ZPBP: variants seen among roughly 807,000 people sequenced by gnomAD.
ZPBP encodes the protein zona pellucida-binding protein 1.
Under a neutral mutation model 44.8 loss-of-function variants are expected in ZPBP, and 26 were observed. That is an observed-to-expected ratio of 0.58 (90% CI 0.43 to 0.81). The LOEUF (loss-of-function observed/expected upper bound fraction) is 0.81, where lower values mean the gene tolerates loss of function less well. Ranked by LOEUF, ZPBP falls within the 30% of genes least tolerant of loss-of-function variation. The probability of loss-of-function intolerance (pLI) is 0.00; values close to 1 mark genes in which losing one functional copy is unlikely to be tolerated. For synonymous variants in ZPBP, 174 were observed against 153.2 expected, an observed-to-expected ratio of 1.14 and a Z score of -1.00; for missense variants, 409 against 434.0, an observed-to-expected ratio of 0.94 and a Z score of 0.51.
At chr7:50,080,670 G>C (rs1802311901) in intron 3 of ZPBP, among the ~76,000 whole-genome samples, 1 of 151,686 alleles carries the variant, frequency 6.6e-6, no homozygotes, top group Admixed American at 6.6e-5. Flanking sequence ...TACATTATGT[G>C]CTACTATTAG....
At chr7:49,969,509 C>CAA (rs35476493) in intron 7 of ZPBP, among the ~76,000 whole-genome samples, 1,491 of 138,392 alleles carry the variant, frequency 0.011, 19 homozygotes, top group Middle Eastern at 0.054. Context: ...ATAGTATGGT[C>CAA]AAAAAAAAAA....
intron 2 of ZPBP, among the ~76,000 whole-genome samples, chr7:49,852,527 G>GC (rs1790222200): frequency 6.6e-6 from 1 of 152,050 alleles, no homozygotes; most frequent in South Asian, 2.1e-4. Context: ...AATTGGGGGG[G>GC]CAGAAGGGCC....
chr7:49,991,587 C>T (rs1729384625), intron 6 of ZPBP, among the ~76,000 whole-genome samples: 2 of 152,034 alleles, frequency 1.3e-5, no homozygotes, highest in Admixed American at 6.6e-5. Context: ...TTTGTTTTTT[C>T]TCCAGAAACT....
chr7:49,977,973 G>A (rs1796603570), intron 7 of ZPBP, among the ~76,000 whole-genome samples: 2 of 151,878 alleles, frequency 1.3e-5, no homozygotes, highest in South Asian at 4.1e-4. Flanking sequence ...ACACCTATGA[G>A]TTTTAAAACC....
At chr7:50,052,215 T>A (rs991631115) in intron 4 of ZPBP, among the ~76,000 whole-genome samples, 7 of 152,142 alleles carry the variant, frequency 4.6e-5, no homozygotes, top group African/African-American at 1.7e-4. Flanking sequence ...TATCTATCTA[T>A]CTGTATATGT....
intron 7 of ZPBP, among the ~76,000 whole-genome samples, chr7:49,949,966 T>A (rs1001169536): frequency 6.6e-6 from 1 of 151,890 alleles, no homozygotes; most frequent in Non-Finnish European, 1.5e-5. Context: ...AAAAATAGTC[T>A]GATATATTTT....
intron 2 of ZPBP, among the ~76,000 whole-genome samples, chr7:49,862,674 G>A (rs1790703382): frequency 6.6e-6 from 1 of 150,594 alleles, no homozygotes; most frequent in South Asian, 2.1e-4. Context: ...CATTATAATA[G>A]ATCATTGGAT....
At chr7:49,944,911 T>G (rs1795037991) in intron 7 of ZPBP, among the ~76,000 whole-genome samples, 2 of 152,130 alleles carry the variant, frequency 1.3e-5, no homozygotes, top group Admixed American at 6.6e-5. Context: ...TTGCCCTTGT[T>G]TTTCTAGTTC....
chr7:49,925,318 C>A (rs1380482166), intron 1 of ZPBP, among the ~76,000 whole-genome samples: 3 of 152,280 alleles, frequency 2.0e-5, no homozygotes, highest in East Asian at 3.9e-4. Flanking sequence ...GGCCAGATGG[C>A]ACTAATTTGC....
chr7:49,930,987 T>C (rs1220579293), intron 1 of ZPBP, among the ~76,000 whole-genome samples: 10 of 152,230 alleles, frequency 6.6e-5, no homozygotes, highest in Non-Finnish European at 1.5e-4. Flanking sequence ...GTTCTCATGA[T>C]AATGAATAAG....
At chr7:50,015,450 A>G (rs1798779399) in intron 6 of ZPBP, among the ~76,000 whole-genome samples, 1 of 152,148 alleles carries the variant, frequency 6.6e-6, no homozygotes, top group Non-Finnish European at 1.5e-5. Flanking sequence ...AAACTATTAA[A>G]AACCCTAGCA....
At chr7:50,003,661 G>A (rs190046027) in intron 6 of ZPBP, among the ~76,000 whole-genome samples, 110 of 152,238 alleles carry the variant, frequency 7.2e-4, no homozygotes, top group Middle Eastern at 3.4e-3. Context: ...GTGGTGTGCT[G>A]GAACTGCAGA....
At chr7:50,015,723 T>A (rs1170160788) in intron 6 of ZPBP, among the ~76,000 whole-genome samples, 2 of 151,822 alleles carry the variant, frequency 1.3e-5, no homozygotes, top group African/African-American at 4.8e-5. Flanking sequence ...AACAACCCCA[T>A]TAACAAAAGG....
At chr7:49,909,243 C>G (rs1017010452) in intron 1 of ZPBP, among the ~76,000 whole-genome samples, 3 of 152,198 alleles carry the variant, frequency 2.0e-5, no homozygotes, top group Admixed American at 6.5e-5. Context: ...TGTGGCTTCT[C>G]TGTGCAAAGC....
chr7:49,942,376 C>A, intron 7 of ZPBP: 1 of 178,210 alleles, frequency 5.6e-6, no homozygotes, highest in Non-Finnish European at 1.2e-5. Flanking sequence ...TGGATTGTTG[C>A]TGCTGTACTG....
rs749586370 is a variant in ZPBP at position 50,031,206 on chromosome 7, A to G, written c.592T>C (p.Leu198=). 1 of 1,613,658 alleles carries G rather than the reference A, an allele frequency of 6.2e-7. No homozygotes were observed. Among genetic ancestry groups the G allele is most frequent in the Non-Finnish European group, 8.5e-7 (1 of 1,179,834 alleles). ...ISFEKKLLQI[L]SKLLLDLSCE... ...GAAAGGTCAAGAAGCAGTTTGCTTA[A>G]AATCTGAAGAAGTTTCTTCTCAAAA... The change falls in exon 5 of 8, where the codon TTA becomes CTA. Residue 198 remains leucine (L), a synonymous_variant. Transcript: ENST00000046087.
At chr7:50,051,118 G>A (rs1800673170) in intron 4 of ZPBP, among the ~76,000 whole-genome samples, 1 of 151,926 alleles carries the variant, frequency 6.6e-6, no homozygotes, top group Non-Finnish European at 1.5e-5. Context: ...TTAAAAAGTG[G>A]GCAAAGGACA....
At chr7:50,014,457 TTC>T (rs1798726184) in intron 6 of ZPBP, among the ~76,000 whole-genome samples, 2 of 141,122 alleles carry the variant, frequency 1.4e-5, no homozygotes, top group Non-Finnish European at 3.2e-5. Flanking sequence ...TATTTATTCT[TTC>T]TTTTTCTTTT....
intron 1 of ZPBP, among the ~76,000 whole-genome samples, chr7:49,928,406 T>C (rs980819987): frequency 1.3e-5 from 2 of 152,222 alleles, no homozygotes; most frequent in Non-Finnish European, 1.5e-5. Flanking sequence ...GTGCAGTCCA[T>C]ACTTCTAGTC....
Sources: gnomAD v4.1 joint callset for allele counts (sites outside exome capture counted in the v4.1 genomes callset) on GRCh38, gnomAD v4.1.1 for gene constraint, MANE v1.5 for transcripts, NCBI Gene and HGNC (gene_info 2026-07-23, HGNC 2026-07-21) for gene names.